The following SLC44A5 variants were observed in gnomAD, a reference collection of about 807,000 sequenced individuals.
The protein encoded by SLC44A5 is choline transporter-like protein 5.
Under a neutral mutation model 101.8 loss-of-function variants are expected in SLC44A5, and 57 were observed. That is an observed-to-expected ratio of 0.56 (90% CI 0.45 to 0.70). SLC44A5 has a LOEUF of 0.70. SLC44A5 is among the 30% of genes least tolerant of loss of function. The probability of loss-of-function intolerance (pLI) is 0.00; values close to 1 mark genes in which losing one functional copy is unlikely to be tolerated. For synonymous variants in SLC44A5, 281 were observed against 290.9 expected (o/e 0.97, Z 0.35); for missense variants, 737 against 853.1 (o/e 0.86, Z 1.70).
intron 2 of SLC44A5, among the ~76,000 whole-genome samples, chr1:75,489,885 C>T (rs551216511): frequency 2.9e-4 from 44 of 152,138 alleles, no homozygotes; most frequent in South Asian, 4.2e-4. Context: ...TAATCCTTTA[C>T]TCAGCTTCAT....
In SLC44A5 at chr1:75,251,166, G is replaced by T. The variant is rs551300709; in HGVS notation, c.345+44C>A. The T allele has an allele frequency of 7.4e-5, 106 of 1,437,704 alleles. 1 individual carries two copies. The African/African-American group carries it at 7.8e-4, about 11-fold the overall frequency. 89.1% of individuals were successfully genotyped at this position (1,437,704 alleles called of 1,614,324 possible). The stretch of plus-strand genomic sequence containing the variant: ...TTTCTCAATTCTTTTATCCAAGAAT[G>T]TTCAGAACGGCTGACACTACCAGTG... On this transcript the variant is annotated intron_variant, in intron 7 of 23. Transcript: ENST00000370859.
At chr1:75,512,802 GGAAA>G (rs143702419) in intron 2 of SLC44A5, among the ~76,000 whole-genome samples, 1,947 of 152,210 alleles carry the variant, frequency 0.013, 31 homozygotes, top group Middle Eastern at 0.055. Flanking sequence ...AAGAGGGATG[GGAAA>G]GAAATAGCTA....
intron 2 of SLC44A5, among the ~76,000 whole-genome samples, chr1:75,468,908 A>C (rs2101722309): frequency 6.6e-6 from 1 of 152,304 alleles, no homozygotes; most frequent in African/African-American, 2.4e-5. Context: ...TATACATTGC[A>C]TACCTGCATC....
chr1:75,439,768 C>T (rs1322549031), intron 2 of SLC44A5, among the ~76,000 whole-genome samples: 9 of 151,928 alleles, frequency 5.9e-5, no homozygotes, highest in Admixed American at 5.9e-4. Flanking sequence ...GGAGAAAAGG[C>T]AATACTGGAA....
chr1:75,683,865 G>T, the SLC44A5 span, among the ~76,000 whole-genome samples: 1 of 151,862 alleles, frequency 6.6e-6, no homozygotes, highest in African/African-American at 2.4e-5. Flanking sequence ...GAAAATAAAG[G>T]GATGGAAAAA....
rs537766876 is a variant in SLC44A5, at chr1:75,277,917, A to T, written c.176-2875T>A. Among the ~76,000 whole-genome samples, 7 of 152,264 alleles carry T rather than the reference A, an allele frequency of 4.6e-5. No individual in the cohort carries two copies. The South Asian group carries it at 1.5e-3, about 32-fold the overall frequency. ...TGAAACATAAAGACTTTGAGCTGAA[A>T]GCTACAAAAAAGAGGAAAAAAAGGA... On this transcript the variant is annotated intron_variant, in intron 5 of 23. Transcript: ENST00000370859.
the SLC44A5 span, among the ~76,000 whole-genome samples, chr1:75,637,688 A>AT: frequency 2.6e-5 from 4 of 152,088 alleles, no homozygotes; most frequent in Admixed American, 6.6e-5. Flanking sequence ...TAAGAAATTA[A>AT]GCAGAGTAAA....
rs565554898 is a variant in SLC44A5, at chr1:75,582,935, A to G, written c.-70+28105T>C. Among the ~76,000 whole-genome samples, 11 of 152,258 alleles carry G rather than the reference A, an allele frequency of 7.2e-5. No individual in the cohort carries two copies. In the East Asian group the frequency reaches 2.1e-3, roughly 29 times the overall value. On this transcript the variant is annotated intron_variant, in intron 1 of 23. Transcript: ENST00000370859. ...CAGGAAACAGCTTCATTTTTCTCCC[A>G]TCACTGCATTCAGACATTCTGTCAG...
In SLC44A5 at chr1:75,202,412, TATC is replaced by T. The variant is rs1646680196; in HGVS notation, c.*1312_*1314del. The T allele has an allele frequency of 6.6e-6, 1 of 152,190 alleles. No individual in the cohort carries two copies. Among genetic ancestry groups the T allele is most frequent in the African/African-American group, 2.4e-5 (1 of 41,464 alleles). The allele number at this position is 152,190 out of a possible 1,614,324, so 9.4% of individuals were successfully genotyped here. On this transcript the variant is annotated 3_prime_UTR_variant, in exon 24 of 24. Coordinates refer to ENST00000370859, the MANE Select transcript of SLC44A5 (RefSeq NM_001130058.2). ...ATTGATTCTCAAAGCTTTCACAAAT[TATC>T]ATTATATGATTGACATTCTCTTAGG...
intron 1 of SLC44A5, among the ~76,000 whole-genome samples, chr1:75,547,350 A>C (rs545549689): frequency 6.6e-6 from 1 of 152,330 alleles, no homozygotes; most frequent in African/African-American, 2.4e-5. Context: ...TGCCAAAACT[A>C]TTGCACCCAG....
At chr1:75,293,311 G>C (rs1229656142) in intron 5 of SLC44A5, among the ~76,000 whole-genome samples, 1 of 152,156 alleles carries the variant, frequency 6.6e-6, no homozygotes, top group Non-Finnish European at 1.5e-5. Context: ...CTCTAGGGTT[G>C]AGTCAGGAGT....
chr1:75,628,274 T>A, the SLC44A5 span, among the ~76,000 whole-genome samples: 1 of 152,178 alleles, frequency 6.6e-6, no homozygotes, highest in Non-Finnish European at 1.5e-5. Context: ...GTTCCCTCTC[T>A]GCAAATTGAT....
chr1:75,551,648 C>T (rs1671944763), intron 1 of SLC44A5, among the ~76,000 whole-genome samples: 1 of 151,868 alleles, frequency 6.6e-6, no homozygotes, highest in Non-Finnish European at 1.5e-5. Context: ...ACATAATAAC[C>T]CAGTTTCTGA....
intron 7 of SLC44A5, among the ~76,000 whole-genome samples, chr1:75,244,597 G>A (rs188001489): frequency 1.3e-5 from 2 of 151,974 alleles, no homozygotes; most frequent in East Asian, 3.9e-4. Context: ...CATCATTATG[G>A]TCTTTTACCA....
In SLC44A5 at chr1:75,527,571, A is replaced by G. The variant is rs545656892; in HGVS notation, c.13+13864T>C. Among the ~76,000 whole-genome samples, 25 of 152,358 alleles carry G rather than the reference A, an allele frequency of 1.6e-4. 1 individual carries two copies. The South Asian group carries it at 4.8e-3, about 29-fold the overall frequency. On this transcript the variant is annotated intron_variant, in intron 2 of 23. Transcript: ENST00000370859. ...CAGCATTAATCCTGGAAGAAAACAT[A>G]TCTGGCTGGCTCTGTATGAGAATTC...
intron 6 of SLC44A5, among the ~76,000 whole-genome samples, chr1:75,268,931 G>A (rs1570524131): frequency 3.3e-5 from 5 of 152,120 alleles, no homozygotes; most frequent in African/African-American, 1.2e-4. Context: ...TGCCTATAAC[G>A]TTAGGAAATC....
intron 1 of SLC44A5, among the ~76,000 whole-genome samples, chr1:75,578,015 T>C (rs975417787): frequency 6.6e-6 from 1 of 152,138 alleles, no homozygotes; most frequent in Non-Finnish European, 1.5e-5. Flanking sequence ...TAATATGAAA[T>C]TAATCTAACA....
At chr1:75,623,750 T>C in the SLC44A5 span, among the ~76,000 whole-genome samples, 1 of 152,146 alleles carries the variant, frequency 6.6e-6, no homozygotes, top group African/African-American at 2.4e-5. Context: ...CTGGTTCTTG[T>C]ATAGGTAATT....
At chr1:75,242,771 T>C (rs1295045729) in intron 8 of SLC44A5, 115 bp downstream of exon 8, 1 of 1,206,266 alleles carries the variant, frequency 8.3e-7, no homozygotes, top group African/African-American at 1.5e-5. Context: ...TGAAATTGTA[T>C]CTAATCATTT....
Sources: allele counts gnomAD v4.1 joint callset (sites outside exome capture counted in the v4.1 genomes callset), GRCh38; gene constraint gnomAD v4.1.1; transcripts MANE v1.5; gene names NCBI Gene and HGNC (gene_info 2026-07-23, HGNC 2026-07-21).